The following TMC5 variants were observed in gnomAD, a reference collection of about 807,000 sequenced individuals.
TMC5 encodes transmembrane channel-like protein 5.
In TMC5, 86 loss-of-function variants were observed where a neutral mutation model predicts 110.5. The ratio of observed to expected loss-of-function variants is 0.78; its 90% CI spans 0.65 to 0.93. TMC5 has a LOEUF of 0.93. Among genes scored for constraint, TMC5 ranks in the 40% least tolerant of loss-of-function variants. The pLI is 0.00. For synonymous variants in TMC5, 455 were observed against 439.5 expected (o/e 1.04, Z -0.44); for missense variants, 1,144 against 1,222.8 (o/e 0.94, Z 0.96).
chr16:19,487,096 G>T lies in TMC5; in HGVS notation c.2439+76G>T, dbSNP rs1013494605. 6 of 1,609,028 alleles carry T rather than the reference G, an allele frequency of 3.7e-6. No homozygotes were observed. The Admixed American group carries it at 1.0e-4, about 27-fold the overall frequency. ...CCTGGTGGCGCTTAAAGCTGGGGAA[G>T]GGGGCTCTGCAAAGGTGTCAGGAAG... On this transcript the variant is annotated intron_variant, in intron 16 of 21. Transcript: ENST00000542583.
intron 2 of TMC5, among the ~76,000 whole-genome samples, chr16:19,436,083 G>C (rs1032762323): frequency 6.6e-6 from 1 of 151,816 alleles, no homozygotes; most frequent in African/African-American, 2.4e-5. Context: ...CCAACATGAG[G>C]AAACCCCCTC....
intron 5 of TMC5, among the ~76,000 whole-genome samples, chr16:19,455,545 C>G (rs1475680065): frequency 6.6e-6 from 1 of 152,198 alleles, no homozygotes; most frequent in South Asian, 2.1e-4. Context: ...CCTTCTGCAG[C>G]CTTTTTCTCT....
At position 19,479,639 on chromosome 16, in the gene TMC5, C is replaced by G. The variant is rs78089509; in HGVS notation, c.2267+111C>G. The G allele has an allele frequency of 4.7e-4, 357 of 764,056 alleles. 1 individual carries two copies. In the East Asian group the frequency reaches 7.9e-3, roughly 17 times the overall value. 47.3% of individuals were successfully genotyped at this position (764,056 alleles called of 1,614,324 possible). ...GACATACTCAAAGCGTGCGTTGTTC[C>G]AAGTCTGCCTGTTGTCCTTGGGGAT... On this transcript the variant is annotated intron_variant, in intron 14 of 21. Coordinates refer to ENST00000542583, the MANE Select transcript of TMC5 (RefSeq NM_001261841.2).
rs1429963614 is a variant in TMC5, at chr16:19,495,256, C to T, written c.2931+890C>T. On this transcript the variant is annotated intron_variant, in intron 20 of 21. Coordinates refer to ENST00000542583, the MANE Select transcript of TMC5 (RefSeq NM_001261841.2). ...GTCTCGATCTCCTGACCTCGTGATC[C>T]GCCCGCCTCGGCCTCCCAAAGTGCT... 1.7e-4 allele frequency among the ~76,000 whole-genome samples: 4 copies of T among 24,182 alleles called. 2 individuals are homozygous for T. Among genetic ancestry groups the T allele is most frequent in the Non-Finnish European group, 4.1e-4 (2 of 4,926 alleles). The allele number at this position is 24,182 out of a possible 152,430, so 15.9% of individuals were successfully genotyped here.
chr16:19,443,898 TG>T (rs1297394424), intron 3 of TMC5, among the ~76,000 whole-genome samples, 182 bp from the exon 4 acceptor site: 1 of 151,770 alleles, frequency 6.6e-6, no homozygotes, highest in Non-Finnish European at 1.5e-5. Flanking sequence ...GATGGATAAA[TG>T]GATGGATAAA....
chr16:19,453,417 C>T (rs1451093816), intron 5 of TMC5, among the ~76,000 whole-genome samples: 2 of 151,874 alleles, frequency 1.3e-5, no homozygotes, highest in South Asian at 2.1e-4. Flanking sequence ...GGTGAAACTC[C>T]GTCTCTGCTA....
intron 18 of TMC5, among the ~76,000 whole-genome samples, chr16:19,491,533 A>ATT (rs71275925): frequency 0.13 from 14,951 of 117,682 alleles, 1,542 homozygotes; most frequent in East Asian, 0.37. Flanking sequence ...TGTCTTAGGG[A>ATT]TTTTTTTTTT....
chr16:19,474,052 G>T, intron 11 of TMC5, 73 bp from the exon 12 acceptor site: 1 of 1,448,992 alleles, frequency 6.9e-7, no homozygotes, highest in Non-Finnish European at 9.3e-7. Flanking sequence ...TCTATCATGG[G>T]AGACTTTTGA....
intron 2 of TMC5, among the ~76,000 whole-genome samples, chr16:19,433,301 C>T (rs1391087577): frequency 6.6e-6 from 1 of 152,176 alleles, no homozygotes; most frequent in Non-Finnish European, 1.5e-5. Flanking sequence ...ATCACTGGTT[C>T]CCATGGCAGT....
intron 1 of TMC5, among the ~76,000 whole-genome samples, chr16:19,425,958 A>G (rs1967081471): frequency 6.6e-6 from 1 of 152,230 alleles, no homozygotes; most frequent in Non-Finnish European, 1.5e-5. Context: ...AATTGCTGGG[A>G]TTACAGGCGT....
At chr16:19,435,374 C>A (rs1967320776) in intron 2 of TMC5, among the ~76,000 whole-genome samples, 1 of 151,248 alleles carries the variant, frequency 6.6e-6, no homozygotes, top group Admixed American at 6.6e-5. Flanking sequence ...TGGTGGCGGG[C>A]ACCTGTAGTC....
chr16:19,495,008 A>AT lies in TMC5; in HGVS notation c.2931+644dup, dbSNP rs1226858039. 4.3e-4 allele frequency among the ~76,000 whole-genome samples: 16 copies of AT among 37,130 alleles called. 1 individual carries two copies. The highest frequency in any genetic ancestry group is 1.9e-3 in the African/African-American group (15 of 8,048). 24.4% of individuals were successfully genotyped at this position (37,130 alleles called of 152,430 possible). On this transcript the variant is annotated intron_variant, in intron 20 of 21. Transcript: ENST00000542583. ...TCTCACTATGAATACTTCAGTGTCT[A>AT]TTCTTTTTTTTTTTTTTTTTTTTTG...
chr16:19,449,438 T>C (rs1967697127), intron 4 of TMC5, 104 bp from the exon 5 acceptor site: 1 of 940,270 alleles, frequency 1.1e-6, no homozygotes, highest in Non-Finnish European at 1.7e-6. Context: ...GTCTCAGTCT[T>C]ATTAGCCGTT....
intron 6 of TMC5, chr16:19,462,533 C>T (rs1462301064): frequency 1.1e-5 from 8 of 702,006 alleles, no homozygotes; most frequent in Admixed American, 6.0e-5. Flanking sequence ...CGACAGAGGA[C>T]GAAGGAAGAG....
At chr16:19,496,696 C>G (rs769132738) in intron 20 of TMC5, among the ~76,000 whole-genome samples, 3 of 151,472 alleles carry the variant, frequency 2.0e-5, no homozygotes, top group Non-Finnish European at 4.4e-5. Context: ...ACCGGCCTGA[C>G]CAACATGGTG....
chr16:19,494,441 C>A, intron 20 of TMC5, 75 bp downstream of exon 20: 1 of 950,338 alleles, frequency 1.1e-6, no homozygotes, highest in Non-Finnish European at 1.7e-6. Flanking sequence ...CAGAGAACTA[C>A]AGACCAAGCT....
At chr16:19,426,177 A>G (rs1967085507) in intron 1 of TMC5, among the ~76,000 whole-genome samples, 1 of 152,252 alleles carries the variant, frequency 6.6e-6, no homozygotes, top group Non-Finnish European at 1.5e-5. Flanking sequence ...TAAGCATTAT[A>G]GGACTATTAT....
intron 5 of TMC5, among the ~76,000 whole-genome samples, chr16:19,451,304 A>G (rs1219118643): frequency 2.0e-5 from 3 of 152,154 alleles, no homozygotes; most frequent in East Asian, 1.9e-4. Flanking sequence ...TTTCAGCCCC[A>G]TCGCCTATAA....
At chr16:19,462,312 C>A (rs1968043665) in intron 6 of TMC5, among the ~76,000 whole-genome samples, 1 of 152,094 alleles carries the variant, frequency 6.6e-6, no homozygotes, top group African/African-American at 2.4e-5. Context: ...TACTTGATGC[C>A]AATATCACCC....
Sources: allele counts gnomAD v4.1 joint callset (sites outside exome capture counted in the v4.1 genomes callset), GRCh38; gene constraint gnomAD v4.1.1; transcripts MANE v1.5; gene names NCBI Gene and HGNC (gene_info 2026-07-23, HGNC 2026-07-21).